The following USP10 variants were observed in gnomAD, a reference collection of about 807,000 sequenced individuals.
USP10 encodes ubiquitin carboxyl-terminal hydrolase 10.
A neutral mutation model predicts 84.5 loss-of-function variants in USP10; 22 were observed. The observed-to-expected ratio is 0.26, with a 90% CI of 0.19 to 0.37. The LOEUF is 0.37. USP10 is among the 10% of genes least tolerant of loss of function. USP10 has a pLI of 1.00. For missense variants in USP10, 1,019 were observed against 998.9 expected, an observed-to-expected ratio of 1.02 and a Z score of -0.27; for synonymous variants, 454 against 387.6, an observed-to-expected ratio of 1.17 and a Z score of -2.01.
chr16:84,774,402 C>T (rs183560502), intron 12 of USP10, among the ~76,000 whole-genome samples: 15 of 152,206 alleles, frequency 9.9e-5, no homozygotes, highest in South Asian at 2.1e-4. Context: ...GTTCCCGCCT[C>T]GTAGCAGCTG....
chr16:84,757,903 A>G (rs144616344), intron 4 of USP10, among the ~76,000 whole-genome samples: 14 of 152,328 alleles, frequency 9.2e-5, no homozygotes, highest in South Asian at 2.1e-4. Flanking sequence ...ACATTTGTCA[A>G]TTGTAAAGAA....
intron 1 of USP10, among the ~76,000 whole-genome samples, chr16:84,731,256 G>A (rs1188380862): frequency 6.6e-6 from 1 of 151,474 alleles, no homozygotes; most frequent in East Asian, 1.9e-4. Flanking sequence ...TGGGATTACA[G>A]GTGTGAGCCA....
At chr16:84,775,866 T>C (rs766046526) in intron 13 of USP10, among the ~76,000 whole-genome samples, 15 of 143,384 alleles carry the variant, frequency 1.0e-4, no homozygotes, top group Non-Finnish European at 2.2e-4. Context: ...CCTTTTATCC[T>C]TCTTTCTCTT....
At chr16:84,726,241 C>A (rs920404086) in intron 1 of USP10, among the ~76,000 whole-genome samples, 3 of 152,202 alleles carry the variant, frequency 2.0e-5, no homozygotes, top group African/African-American at 7.2e-5. Context: ...CTGATAGTCC[C>A]CAGCGTCTCC....
chr16:84,700,220 G>T, intron 1 of USP10, 109 bp downstream of exon 1: 2 of 915,554 alleles, frequency 2.2e-6, no homozygotes, highest in Non-Finnish European at 2.7e-6. Context: ...GTGGGAGTGG[G>T]GGAGGGCGCT....
rs575615792 is a variant in USP10, at chr16:84,760,885, C to T, written c.1554+610C>T. ...AGATTGAGTTTGTGATGAATCAGTA[C>T]AAGCAGTTGAAATGATGCTTAGGGA... On this transcript the variant is annotated intron_variant, in intron 8 of 13. Coordinates refer to ENST00000219473, the MANE Select transcript of USP10 (RefSeq NM_005153.3). Among the ~76,000 whole-genome samples, 3 of 152,230 alleles carry T rather than the reference C, an allele frequency of 2.0e-5. No individual in the cohort carries two copies. In the East Asian group the frequency reaches 5.8e-4, roughly 29 times the overall value.
At chr16:84,751,516 G>A (rs1911935029) in intron 4 of USP10, among the ~76,000 whole-genome samples, 1 of 151,496 alleles carries the variant, frequency 6.6e-6, no homozygotes, top group South Asian at 2.1e-4. Context: ...TGTGGACTGA[G>A]AGTTTAGTCC....
At position 84,745,249 on chromosome 16, in the gene USP10, T is replaced by A. The variant is rs1441434415; in HGVS notation, c.768T>A (p.Pro256=). 4 of 1,613,510 alleles carry A rather than the reference T, an allele frequency of 2.5e-6. No individual in the cohort carries two copies. The highest frequency in any genetic ancestry group is 3.4e-6 in the Non-Finnish European group (4 of 1,179,658). The part of the protein sequence containing the change: ...PGADFGQSCF[P]AEAGRDTLSR... ...CTGATTTTGGTCAGTCCTGCTTCCC[T>A]GCAGAGGCTGGCAGAGACACCCTGT... Residue 256 remains proline, a synonymous_variant, in exon 4 of 14, where the codon CCT becomes CCA. Transcript: ENST00000219473.
At chr16:84,762,708 T>C (rs1338485798) in intron 8 of USP10, among the ~76,000 whole-genome samples, 1 of 151,626 alleles carries the variant, frequency 6.6e-6, no homozygotes, top group Non-Finnish European at 1.5e-5. Context: ...AAAAAAAGTA[T>C]ATTTATTGAA....
intron 1 of USP10, among the ~76,000 whole-genome samples, chr16:84,707,274 G>A (rs923326824): frequency 1.3e-5 from 2 of 152,192 alleles, no homozygotes; most frequent in East Asian, 1.9e-4. Flanking sequence ...TGAATGAAAT[G>A]TGCATTTAGA....
At chr16:84,721,379 A>G (rs779169908) in intron 1 of USP10, among the ~76,000 whole-genome samples, 40 of 152,242 alleles carry the variant, frequency 2.6e-4, no homozygotes, top group Non-Finnish European at 1.3e-4. Flanking sequence ...GAAAGATTAC[A>G]ACTGTGGCCA....
intron 1 of USP10, among the ~76,000 whole-genome samples, chr16:84,717,135 A>G (rs979742178): frequency 7.9e-5 from 12 of 152,254 alleles, no homozygotes; most frequent in Middle Eastern, 3.4e-3. Context: ...GGTAATTCCT[A>G]GGCTGCTGGC....
chr16:84,716,181 C>T (rs539549336), intron 1 of USP10: 1 of 152,340 alleles, frequency 6.6e-6, no homozygotes, highest in African/African-American at 2.4e-5. Flanking sequence ...TCTCTCCCCC[C>T]TCTCCTTTTC....
chr16:84,724,097 T>C (rs1222614370), intron 1 of USP10, among the ~76,000 whole-genome samples: 2 of 152,230 alleles, frequency 1.3e-5, no homozygotes, highest in Non-Finnish European at 2.9e-5. Flanking sequence ...TTTCATACAA[T>C]AGCAATTTTA....
At chr16:84,706,843 A>G (rs1253294073) in intron 1 of USP10, among the ~76,000 whole-genome samples, 1 of 151,756 alleles carries the variant, frequency 6.6e-6, no homozygotes, top group Non-Finnish European at 1.5e-5. Context: ...CCGGGCCAAG[A>G]CTATATATAT....
chr16:84,768,101 C>A lies in USP10; in HGVS notation c.1833-92C>A, dbSNP rs770589245. ...TCTTTTGAAAGTGATATTGAATAAT[C>A]TTATTTTCAGTGTTTATTCCCTTGG... is the stretch of plus-strand genomic sequence containing the variant. On this transcript the variant is annotated intron_variant, in intron 10 of 13. Transcript: ENST00000219473. 6 of 1,345,952 alleles carry A rather than the reference C, an allele frequency of 4.5e-6. No homozygotes were observed. The African/African-American group carries it at 8.9e-5, about 20-fold the overall frequency. 83.4% of individuals were successfully genotyped at this position (1,345,952 alleles called of 1,614,324 possible).
chr16:84,715,047 G>C (rs990237282), intron 1 of USP10, among the ~76,000 whole-genome samples: 6 of 151,592 alleles, frequency 4.0e-5, no homozygotes, highest in Non-Finnish European at 5.9e-5. Flanking sequence ...TCCTGCCTCA[G>C]CCTCCTGAGT....
chr16:84,752,488 G>C, intron 4 of USP10, among the ~76,000 whole-genome samples: 1 of 152,094 alleles, frequency 6.6e-6, no homozygotes, highest in East Asian at 1.9e-4. Context: ...TATTCTTTTA[G>C]CCTCCATAAT....
At chr16:84,709,901 G>C (rs570788531) in intron 1 of USP10, among the ~76,000 whole-genome samples, 1 of 152,014 alleles carries the variant, frequency 6.6e-6, no homozygotes, top group African/African-American at 2.4e-5. Context: ...TTAGCCGGGA[G>C]TCTGGAGAGG....
Sources: gnomAD v4.1 joint callset for allele counts (sites outside exome capture counted in the v4.1 genomes callset) on GRCh38, gnomAD v4.1.1 for gene constraint, MANE v1.5 for transcripts, NCBI Gene and HGNC (gene_info 2026-07-23, HGNC 2026-07-21) for gene names.